The following RASSF5 variants were observed in gnomAD, a reference collection of about 807,000 sequenced individuals.
RASSF5 encodes Ras association domain family member 5.
In RASSF5, 25 loss-of-function variants were observed where a neutral mutation model predicts 40.5. The observed-to-expected ratio is 0.62, with a 90% CI of 0.45 to 0.86. The LOEUF (loss-of-function observed/expected upper bound fraction) is 0.86. Among genes scored for constraint, RASSF5 ranks in the 40% least tolerant of loss-of-function variants. The pLI, the probability that RASSF5 is intolerant of heterozygous loss-of-function variation, is 0.00. For missense variants in RASSF5, 521 were observed against 572.8 expected (o/e 0.91, Z 0.92); for synonymous variants, 246 against 252.4 (o/e 0.97, Z 0.24).
chr1:206,549,495 C>T (rs995206169), intron 2 of RASSF5, among the ~76,000 whole-genome samples: 6 of 151,208 alleles, frequency 4.0e-5, no homozygotes, highest in Middle Eastern at 7.0e-3. Flanking sequence ...GGTCAGTAGT[C>T]GAGACAGAGT....
chr1:206,567,277 G>T (rs1402523972), intron 2 of RASSF5, among the ~76,000 whole-genome samples: 2 of 152,186 alleles, frequency 1.3e-5, no homozygotes, highest in Non-Finnish European at 2.9e-5. Context: ...AGGGGGTTGG[G>T]CAGAGGGGTC....
rs924780247 is a variant in RASSF5 at position 206,513,474 on chromosome 1, T to C, written c.457+5415T>C. 1.3e-5 allele frequency among the ~76,000 whole-genome samples: 2 copies of C among 152,206 alleles called. No individual in the cohort carries two copies. Among genetic ancestry groups the C allele is most frequent in the African/African-American group, 4.8e-5 (2 of 41,442 alleles). On this transcript the variant is annotated intron_variant, in intron 1 of 5. Transcript: ENST00000579436. The surrounding 1 kb of genome is among the most constrained non-coding windows in gnomAD (Gnocchi z 5.0). ...TTCCTGGGGCTCAGTCAGCACCAGCTGGTATGATTTCCTTCTCACAAGCTT... is the reference window on the plus strand; with the variant it reads ...TTCCTGGGGCTCAGTCAGCACCAGCCGGTATGATTTCCTTCTCACAAGCTT...
chr1:206,562,644 C>G (rs1553402828), intron 2 of RASSF5, among the ~76,000 whole-genome samples: 1 of 152,128 alleles, frequency 6.6e-6, no homozygotes, highest in Non-Finnish European at 1.5e-5. Flanking sequence ...TTACAAAAGC[C>G]AGTATTGGCC....
In RASSF5 at chr1:206,521,440, C is replaced by T. The variant is rs577405576; in HGVS notation, c.457+13381C>T. ...GTTGTCCCATGATAGACTGAACCTG[C>T]CTGCTCCTGGCCTCCTGTGACCTCC... On this transcript the variant is annotated intron_variant, in intron 1 of 5. Coordinates refer to ENST00000579436, the MANE Select transcript of RASSF5 (RefSeq NM_182663.4). Among the ~76,000 whole-genome samples the T allele has an allele frequency of 7.2e-5, 11 of 152,312 alleles. No individual in the cohort carries two copies. The South Asian group carries it at 2.3e-3, about 32-fold the overall frequency.
chr1:206,569,905 A>G (rs1016356630), intron 2 of RASSF5, among the ~76,000 whole-genome samples: 1 of 152,182 alleles, frequency 6.6e-6, no homozygotes, highest in South Asian at 2.1e-4. Context: ...GCTTGGCGTG[A>G]TGGAGGCCCA....
In RASSF5 at chr1:206,557,447, G is replaced by C. The variant is rs998048756; in HGVS notation, c.579+19154G>C. 2.8e-6 allele frequency: 4 copies of C among 1,442,558 alleles called. No individual in the cohort carries two copies. In the East Asian group the frequency reaches 1.0e-4, roughly 37 times the overall value. The allele number at this position is 1,442,558 out of a possible 1,614,324, so 89.4% of individuals were successfully genotyped here. A position where few individuals can be genotyped will look rare whatever the true frequency, so the allele number is the denominator to read the frequency against. The stretch of plus-strand genomic sequence containing the variant: ...TGGTCCGCTACCCGACCAGCTCCCG[G>C]CTCGGGGCTCAGAGCTAGGGGCTTA... On this transcript the variant is annotated intron_variant, in intron 2 of 5. Transcript: ENST00000579436.
intron 2 of RASSF5, among the ~76,000 whole-genome samples, chr1:206,572,943 C>A (rs1034456797): frequency 1.3e-5 from 2 of 152,066 alleles, no homozygotes; most frequent in Non-Finnish European, 2.9e-5. Context: ...CCCCACTGAC[C>A]AAGCTTTGGT....
intron 2 of RASSF5, among the ~76,000 whole-genome samples, chr1:206,574,530 T>C (rs1668563978): frequency 6.6e-6 from 1 of 152,202 alleles, no homozygotes; most frequent in Admixed American, 6.5e-5. Flanking sequence ...ACCTCTTTTT[T>C]CCCTCTGCTC....
At position 206,531,812 on chromosome 1, in the gene RASSF5, C is replaced by T. The variant is rs761188826; in HGVS notation, c.458-6360C>T. On this transcript the variant is annotated intron_variant, in intron 1 of 5. Transcript: ENST00000579436. This position sits in a 1 kb window ranked among gnomAD's most constrained non-coding sequence, Gnocchi z 4.7. ...CAGAACTTTGGGAGGCCAAGGCAGG[C>T]GGATCACGAGGTCAGGAGATCGAGA... 4.3e-4 allele frequency among the ~76,000 whole-genome samples: 65 copies of T among 151,804 alleles called. 1 individual carries two copies. The highest frequency in any genetic ancestry group is 4.7e-4 in the Non-Finnish European group (32 of 67,970).
intron 2 of RASSF5, among the ~76,000 whole-genome samples, chr1:206,550,550 G>A (rs1201797154): frequency 6.6e-6 from 1 of 152,208 alleles, no homozygotes; most frequent in African/African-American, 2.4e-5. Context: ...CACTAGGAAA[G>A]TACATAACCT....
Position 206,584,967 on chromosome 1 carries a change from G to C in RASSF5, c.989-213G>C. ...CACCATTCCTAATCTTTCAGGAGAT[G>C]ATGTGAATGGAATCATGCTTTAAAC... On this transcript the variant is annotated intron_variant, in intron 4 of 5. Transcript: ENST00000579436. This position sits in a 1 kb window ranked among gnomAD's most constrained non-coding sequence, Gnocchi z 4.9. 1.6e-6 allele frequency: 1 copy of C among 606,424 alleles called. No individual in the cohort carries two copies. Among genetic ancestry groups the C allele is most frequent in the Non-Finnish European group, 2.9e-6 (1 of 342,058 alleles). 37.6% of individuals were successfully genotyped at this position (606,424 alleles called of 1,614,324 possible).
At chr1:206,546,464 T>A (rs1411532727) in intron 2 of RASSF5, among the ~76,000 whole-genome samples, 1 of 152,180 alleles carries the variant, frequency 6.6e-6, no homozygotes, top group Non-Finnish European at 1.5e-5. Flanking sequence ...TTTTTCTTTT[T>A]TTCTTTCTTG....
chr1:206,537,902 A>G (rs1245729577), intron 1 of RASSF5, among the ~76,000 whole-genome samples: 3 of 152,198 alleles, frequency 2.0e-5, no homozygotes, highest in Non-Finnish European at 4.4e-5. Flanking sequence ...CTGATTTTCT[A>G]TCTGTAAAAT....
chr1:206,575,169 C>T (rs1246480471), intron 2 of RASSF5, among the ~76,000 whole-genome samples: 1 of 152,114 alleles, frequency 6.6e-6, no homozygotes, highest in Non-Finnish European at 1.5e-5. Flanking sequence ...GTGTCTGCCC[C>T]TTGCCTGCAG....
intron 1 of RASSF5, among the ~76,000 whole-genome samples, chr1:206,520,652 T>G (rs1666881688): frequency 6.6e-6 from 1 of 150,972 alleles, no homozygotes; most frequent in Non-Finnish European, 1.5e-5. Context: ...GGAGCCAGGC[T>G]GCCTTGAGTC....
chr1:206,518,683 T>A, intron 1 of RASSF5: 1 of 393,930 alleles, frequency 2.5e-6, no homozygotes, highest in Non-Finnish European at 4.5e-6. Context: ...TTGGCCCTCC[T>A]GACTCCGCAA....
intron 2 of RASSF5, among the ~76,000 whole-genome samples, chr1:206,539,386 C>G (rs376467109): frequency 6.6e-6 from 1 of 152,126 alleles, no homozygotes; most frequent in Non-Finnish European, 1.5e-5. Context: ...GGGAGACTCA[C>G]GAGCAGCCCC....
chr1:206,584,416 C>T lies in RASSF5; in HGVS notation c.720C>T (p.Ile240=), dbSNP rs1310608835. 4 of 1,613,740 alleles carry T rather than the reference C, an allele frequency of 2.5e-6. No homozygotes were observed. The African/African-American group carries it at 4.0e-5, about 16-fold the overall frequency. ...LSEDGTYTGF[I]KVHLKLRRPV... is the part of the protein sequence containing the mutation. ...AAGACGGCACCTACACGGGTTTCAT[C>T]AAAGTGCATCTGAAACTCCGGCGGC... is the stretch of plus-strand genomic sequence containing the variant. The change falls in exon 4 of 6, where the codon ATC becomes ATT. Residue 240 remains isoleucine, a synonymous_variant. Coordinates refer to ENST00000579436, the MANE Select transcript of RASSF5 (RefSeq NM_182663.4). The surrounding 1 kb of genome is among the most constrained non-coding windows in gnomAD (Gnocchi z 4.9).
At position 206,588,245 on chromosome 1, in the gene RASSF5, G is replaced by A. The variant is rs2102266564; in HGVS notation, c.*1267G>A. ...CGGTGTGGGAGACAAGGCCAGGAGA[G>A]CCCGCGTTCAGTATGGGTTGAGGGT... On this transcript the variant is annotated 3_prime_UTR_variant, in exon 6 of 6. Coordinates refer to ENST00000579436, the MANE Select transcript of RASSF5 (RefSeq NM_182663.4). The A allele has an allele frequency of 6.5e-6, 1 of 152,906 alleles. No homozygotes were observed. Among genetic ancestry groups the A allele is most frequent in the African/African-American group, 2.4e-5 (1 of 41,584 alleles). 9.5% of individuals were successfully genotyped at this position (152,906 alleles called of 1,614,324 possible).
Sources: gnomAD v4.1 joint callset for allele counts (sites outside exome capture counted in the v4.1 genomes callset) on GRCh38, gnomAD v4.1.1 for gene constraint, Gnocchi (gnomAD v3.1) non-coding constraint, MANE v1.5 for transcripts, NCBI Gene and HGNC (gene_info 2026-07-23, HGNC 2026-07-21) for gene names.